Variants in MYO3B observed in about 807,000 individuals in gnomAD.
The protein encoded by MYO3B is myosin IIIB.
MYO3B carries 156 observed loss-of-function variants against 174.6 expected under a neutral mutation model. The ratio of observed to expected loss-of-function variants is 0.89; its 90% CI spans 0.78 to 1.02. MYO3B has a LOEUF of 1.02. Among genes scored for constraint, MYO3B ranks in the 50% least tolerant of loss-of-function variants. The pLI is 0.00. For missense variants in MYO3B, 1,632 were observed against 1,639.4 expected, an observed-to-expected ratio of 1.00 and a Z score of 0.08; for synonymous variants, 563 against 569.1, an observed-to-expected ratio of 0.99 and a Z score of 0.15.
intron 7 of MYO3B, among the ~76,000 whole-genome samples, chr2:170,323,695 T>C (rs372919523): frequency 8.5e-5 from 13 of 152,358 alleles, no homozygotes; most frequent in African/African-American, 2.6e-4. Flanking sequence ...ATAGGGTTTA[T>C]GTGAGGATTA....
chr2:170,453,868 A>G (rs1354933350), intron 23 of MYO3B, among the ~76,000 whole-genome samples: 2 of 152,190 alleles, frequency 1.3e-5, no homozygotes, highest in East Asian at 3.8e-4. Context: ...TCTTTGATCC[A>G]CTTAAGGTGA....
Position 170,402,845 on chromosome 2 carries a change from C to T in MYO3B, c.2130-3C>T. ...AAGAGTTTTGTTCTTCTCTCTCATG[C>T]AGTAGTGCAGGAGGTGGAATGAATG... On this transcript the variant is annotated splice_region_variant and splice_polypyrimidine_tract_variant and intron_variant, in intron 18 of 34. Transcript: ENST00000408978. 2 of 1,601,688 alleles carry T rather than the reference C, an allele frequency of 1.2e-6. No homozygotes were observed. The highest frequency in any genetic ancestry group is 1.7e-6 in the Non-Finnish European group (2 of 1,171,152).
Position 170,199,302 on chromosome 2 carries a change from A to G in MYO3B, c.97A>G (p.Ile33Val), listed in dbSNP as rs2092635610. The change falls in exon 2 of 35, where the codon ATT becomes GTT. Residue 33 changes from isoleucine (I) to valine (V), a missense_variant. By Grantham distance (29) the Ile-to-Val change is conservative. Coordinates refer to ENST00000408978, the MANE Select transcript of MYO3B (RefSeq NM_138995.5). ...AGACACCTGGGAAATTATAGAGACC[A>G]TTGGTAAAGGCACCTATGGCAAAGT... ...PTDTWEIIET[I>V]GKGTYGKVYK... 2 of 1,613,624 alleles carry G rather than the reference A, an allele frequency of 1.2e-6. No homozygotes were observed. The highest frequency in any genetic ancestry group is 1.7e-6 in the Non-Finnish European group (2 of 1,179,702).
At chr2:170,251,519 C>A (rs1300239812) in intron 7 of MYO3B, among the ~76,000 whole-genome samples, 2 of 152,084 alleles carry the variant, frequency 1.3e-5, no homozygotes, top group African/African-American at 4.8e-5. Flanking sequence ...TGAATGAAGT[C>A]ATCAGGGTGG....
chr2:170,413,822 G>A (rs953749435), intron 22 of MYO3B, among the ~76,000 whole-genome samples: 4 of 151,948 alleles, frequency 2.6e-5, no homozygotes, highest in African/African-American at 7.2e-5. Context: ...GGTGGATCAC[G>A]AGGTCAGGAG....
At chr2:170,533,232 G>A (rs192949524) in intron 30 of MYO3B, among the ~76,000 whole-genome samples, 49 of 152,168 alleles carry the variant, frequency 3.2e-4, no homozygotes, top group African/African-American at 9.9e-4. Flanking sequence ...TAGGCTTTTC[G>A]TTTGTAAAAG....
At chr2:170,564,301 C>T (rs1217083683) in intron 32 of MYO3B, among the ~76,000 whole-genome samples, 1 of 152,010 alleles carries the variant, frequency 6.6e-6, no homozygotes, top group East Asian at 1.9e-4. Flanking sequence ...GGTGAAACCC[C>T]ATCTCTACTA....
chr2:170,577,146 C>T (rs1342020915), intron 32 of MYO3B, among the ~76,000 whole-genome samples: 1 of 152,120 alleles, frequency 6.6e-6, no homozygotes, highest in Non-Finnish European at 1.5e-5. Context: ...TTCTTAAGTA[C>T]CAAGATCTTC....
intron 9 of MYO3B, among the ~76,000 whole-genome samples, chr2:170,378,384 G>A (rs1319931439): frequency 6.6e-6 from 1 of 152,158 alleles, no homozygotes; most frequent in Non-Finnish European, 1.5e-5. Flanking sequence ...GAGAAGTCTT[G>A]CATCTACATC....
chr2:170,278,562 G>T (rs1574704396), intron 7 of MYO3B, among the ~76,000 whole-genome samples: 1 of 152,080 alleles, frequency 6.6e-6, no homozygotes, highest in Non-Finnish European at 1.5e-5. Context: ...TCAAGTCAAG[G>T]TATTTAGGAT....
At chr2:170,461,420 C>CCGAGG in intron 23 of MYO3B, among the ~76,000 whole-genome samples, 1 of 146,960 alleles carries the variant, frequency 6.8e-6, no homozygotes, top group African/African-American at 2.6e-5. Flanking sequence ...TTGCAGTGAG[C>CCGAGG]TGAGATCGCA....
At chr2:170,287,209 T>G (rs1266704977) in intron 7 of MYO3B, among the ~76,000 whole-genome samples, 1 of 152,144 alleles carries the variant, frequency 6.6e-6, no homozygotes, top group African/African-American at 2.4e-5. Context: ...GTATCTCTTT[T>G]ATATACTGAT....
chr2:170,360,596 T>G (rs533010979), intron 8 of MYO3B, among the ~76,000 whole-genome samples: 1 of 152,330 alleles, frequency 6.6e-6, no homozygotes, highest in African/African-American at 2.4e-5. Context: ...CATTGCACAT[T>G]AACATTTCCT....
Position 170,178,216 on chromosome 2 carries a change from A to C in MYO3B, c.-72A>C. The C allele has an allele frequency of 6.3e-7, 1 of 1,594,654 alleles. No homozygotes were observed. Among genetic ancestry groups the C allele is most frequent in the Non-Finnish European group, 8.6e-7 (1 of 1,162,224 alleles). Reference sequence around the variant, plus strand: ...TCAAAGACACCATTTTCTGGGCCTGAAGTGTTCTGCTGGTTTTTGGAGGAA... The same window carrying C: ...TCAAAGACACCATTTTCTGGGCCTGCAGTGTTCTGCTGGTTTTTGGAGGAA... On this transcript the variant is annotated 5_prime_UTR_variant, in exon 1 of 35. Transcript: ENST00000408978.
At chr2:170,277,956 A>T (rs1228961186) in intron 7 of MYO3B, among the ~76,000 whole-genome samples, 3 of 152,188 alleles carry the variant, frequency 2.0e-5, no homozygotes, top group African/African-American at 7.2e-5. Context: ...ATCAGCTTTT[A>T]AAAATTATGT....
chr2:170,556,129 G>A (rs1156955018), intron 32 of MYO3B, among the ~76,000 whole-genome samples: 2 of 151,930 alleles, frequency 1.3e-5, no homozygotes, highest in African/African-American at 4.8e-5. Context: ...CTGGGAGGCA[G>A]AGGTTGCAGT....
intron 32 of MYO3B, among the ~76,000 whole-genome samples, chr2:170,634,457 C>T (rs1168352455): frequency 6.7e-6 from 1 of 150,342 alleles, no homozygotes; most frequent in Non-Finnish European, 1.5e-5. Context: ...ACACCTTATA[C>T]AAAAATTAAT....
Position 170,621,377 on chromosome 2 carries a change from T to C in MYO3B, c.3734-30251T>C, listed in dbSNP as rs1045765310. ...ATAAATTATTATGACACCCTTCTAA[T>C]ATAACACCTTTCTTCAGGCAAGTTA... is the stretch of plus-strand genomic sequence containing the variant. On this transcript the variant is annotated intron_variant, in intron 32 of 34. Coordinates refer to ENST00000408978, the MANE Select transcript of MYO3B (RefSeq NM_138995.5). Among the ~76,000 whole-genome samples, 29 of 152,204 alleles carry C rather than the reference T, an allele frequency of 1.9e-4. 1 individual carries two copies. The highest frequency in any genetic ancestry group is 6.5e-5 in the Admixed American group (1 of 15,274).
chr2:170,284,251 G>T (rs1192508596), intron 7 of MYO3B, among the ~76,000 whole-genome samples: 1 of 152,106 alleles, frequency 6.6e-6, no homozygotes, highest in Admixed American at 6.6e-5. Flanking sequence ...CCTTGGATAG[G>T]GCAGTGAATC....
Sources: allele counts gnomAD v4.1 joint callset (sites outside exome capture counted in the v4.1 genomes callset), GRCh38; gene constraint gnomAD v4.1.1; transcripts MANE v1.5; gene names NCBI Gene and HGNC (gene_info 2026-07-23, HGNC 2026-07-21).